Variants in SLCO2A1 observed in about 807,000 individuals in gnomAD.
SLCO2A1 encodes matrin F/G 1.
Under a neutral mutation model 71.7 loss-of-function variants are expected in SLCO2A1, and 60 were observed. The observed-to-expected ratio is 0.84, with a 90% confidence interval of 0.68 to 1.04. The LOEUF is 1.04. Among genes scored for constraint, SLCO2A1 ranks in the 50% least tolerant of loss-of-function variants. SLCO2A1 has a pLI of 0.00. For synonymous variants in SLCO2A1, 308 were observed against 326.7 expected, an observed-to-expected ratio of 0.94 and a Z score of 0.62; for missense variants, 745 against 813.4, an observed-to-expected ratio of 0.92 and a Z score of 1.02.
intron 6 of SLCO2A1, among the ~76,000 whole-genome samples, chr3:133,950,206 GCAC>G (rs1933705224): frequency 6.6e-6 from 1 of 152,120 alleles, no homozygotes; most frequent in Admixed American, 6.6e-5. Context: ...CCTGACCCCA[GCAC>G]CTGCATGATG....
At chr3:134,003,822 A>T (rs1398941054) in intron 1 of SLCO2A1, among the ~76,000 whole-genome samples, 1 of 152,100 alleles carries the variant, frequency 6.6e-6, no homozygotes, top group East Asian at 1.9e-4. Context: ...ATACATAATC[A>T]GTTGACACTG....
chr3:133,985,462 G>A (rs1348505950), intron 1 of SLCO2A1, among the ~76,000 whole-genome samples: 2 of 152,134 alleles, frequency 1.3e-5, no homozygotes, highest in African/African-American at 2.4e-5. Flanking sequence ...TAGAATTTGA[G>A]TCTTGCAATT....
At chr3:133,935,924 T>A (rs1933258734) in intron 12 of SLCO2A1, 27 bp from the exon 13 acceptor site, 1 of 1,554,662 alleles carries the variant, frequency 6.4e-7, no homozygotes, top group Non-Finnish European at 8.7e-7. Flanking sequence ...AAAGCCCTGG[T>A]CAGGTGGAAC....
chr3:133,964,985 G>A (rs1013732684), intron 3 of SLCO2A1, among the ~76,000 whole-genome samples: 1 of 152,222 alleles, frequency 6.6e-6, no homozygotes, highest in African/African-American at 2.4e-5. Context: ...ACCTGAGGGA[G>A]CAGGATGCAG....
chr3:134,020,318 G>A (rs1051496245), intron 1 of SLCO2A1, among the ~76,000 whole-genome samples: 12 of 152,194 alleles, frequency 7.9e-5, no homozygotes, highest in South Asian at 4.1e-4. Flanking sequence ...AGTTTTGTCT[G>A]CGGCTCATTC....
chr3:133,936,063 C>A (rs1576423848), intron 12 of SLCO2A1, among the ~76,000 whole-genome samples, 166 bp from the exon 13 acceptor site: 1 of 152,308 alleles, frequency 6.6e-6, no homozygotes, highest in East Asian at 1.9e-4. Context: ...TTCAGTGAAG[C>A]CTGAATTTCT....
intron 1 of SLCO2A1, among the ~76,000 whole-genome samples, chr3:134,002,669 G>A (rs1328719034): frequency 1.3e-5 from 2 of 152,140 alleles, no homozygotes; most frequent in South Asian, 2.1e-4. Context: ...CCCACCTCCA[G>A]TTTTTCATTC....
At chr3:133,958,825 G>A (rs920378898) in intron 3 of SLCO2A1, among the ~76,000 whole-genome samples, 4 of 152,170 alleles carry the variant, frequency 2.6e-5, no homozygotes, top group African/African-American at 9.7e-5. Context: ...ACTGTGTATG[G>A]AGAAATAAAC....
At position 134,029,508 on chromosome 3, in the gene SLCO2A1, GCTCA is replaced by G. The variant is rs1234776887; in HGVS notation, c.96+195_96+198del. 2.1e-3 allele frequency among the ~76,000 whole-genome samples: 311 copies of G among 148,370 alleles called. 2 individuals are homozygous for G. Among genetic ancestry groups the G allele is most frequent in the Non-Finnish European group, 3.4e-3 (227 of 67,560 alleles). On this transcript the variant is annotated intron_variant, in intron 1 of 13. Coordinates refer to ENST00000310926, the MANE Select transcript of SLCO2A1 (RefSeq NM_005630.3). The stretch of plus-strand genomic sequence containing the variant: ...CACACACTCGCACGCACACACACAC[GCTCA>G]CACACACACACGCTCACACACACAC...
intron 2 of SLCO2A1, among the ~76,000 whole-genome samples, chr3:133,978,892 A>G (rs1934520061): frequency 6.6e-6 from 1 of 152,084 alleles, no homozygotes; most frequent in African/African-American, 2.4e-5. Context: ...TAACTTTGAT[A>G]TGCAGTCACT....
intron 1 of SLCO2A1, among the ~76,000 whole-genome samples, chr3:133,984,753 C>T (rs528319363): frequency 3.9e-5 from 6 of 152,314 alleles, no homozygotes; most frequent in Admixed American, 3.9e-4. Context: ...AGTTGGGTTG[C>T]AACCTACCCT....
At chr3:133,940,595 T>G (rs3923835) in intron 11 of SLCO2A1, among the ~76,000 whole-genome samples, 29,750 of 152,088 alleles carry the variant, frequency 0.2, 3,400 homozygotes, top group Admixed American at 0.26. Context: ...CATGGCCTCA[T>G]GTAGTTTTAT....
In SLCO2A1 at chr3:133,934,446, G is replaced by A. The variant is rs577331505; in HGVS notation, c.*267C>T. Reference sequence around the variant, plus strand: ...TCAATGGAGGACTCAACACTGAAGTGAGCCTGGGCATCTGGGGGCCTCTTC... The same window carrying A: ...TCAATGGAGGACTCAACACTGAAGTAAGCCTGGGCATCTGGGGGCCTCTTC... On this transcript the variant is annotated 3_prime_UTR_variant, in exon 14 of 14. Transcript: ENST00000310926. 1.8e-5 allele frequency: 6 copies of A among 338,624 alleles called. No individual in the cohort carries two copies. Among genetic ancestry groups the A allele is most frequent in the Admixed American group, 1.3e-4 (3 of 23,294 alleles). The allele number at this position is 338,624 out of a possible 1,614,324, so 21.0% of individuals were successfully genotyped here.
At chr3:133,968,762 T>G (rs946657878) in intron 3 of SLCO2A1, among the ~76,000 whole-genome samples, 1 of 152,230 alleles carries the variant, frequency 6.6e-6, no homozygotes, top group African/African-American at 2.4e-5. Context: ...TGGTCTCACG[T>G]TGGCCAGTTT....
chr3:133,997,103 C>A (rs1254189037), intron 1 of SLCO2A1, among the ~76,000 whole-genome samples: 3 of 152,102 alleles, frequency 2.0e-5, no homozygotes, highest in Non-Finnish European at 4.4e-5. Flanking sequence ...CCTGAAGGGC[C>A]GCATCTCCTG....
rs972603437 is a variant in SLCO2A1 at position 133,935,027 on chromosome 3, G to C, written c.1815-197C>G. Reference sequence around the variant, plus strand: ...CTGTAGGGAAGCAGGCAGGGAGTAGGCATGGGACTCTTAATCCAGGGCTCA... The same window carrying C: ...CTGTAGGGAAGCAGGCAGGGAGTAGCCATGGGACTCTTAATCCAGGGCTCA... On this transcript the variant is annotated intron_variant, in intron 13 of 13. Transcript: ENST00000310926. Among the ~76,000 whole-genome samples the C allele has an allele frequency of 2.6e-5, 4 of 152,268 alleles. No individual in the cohort carries two copies. The East Asian group carries it at 7.7e-4, about 29-fold the overall frequency.
intron 1 of SLCO2A1, among the ~76,000 whole-genome samples, chr3:134,018,535 A>C (rs1225087103): frequency 6.6e-6 from 1 of 152,044 alleles, no homozygotes; most frequent in Non-Finnish European, 1.5e-5. Flanking sequence ...CCTTCTTCCC[A>C]CTATTCTCCA....
chr3:134,021,068 T>C (rs1380910848), intron 1 of SLCO2A1, among the ~76,000 whole-genome samples: 11 of 152,244 alleles, frequency 7.2e-5, no homozygotes. Context: ...GATTGCTTGA[T>C]ACTTTGGTTT....
At chr3:133,985,478 A>G (rs1934692683) in intron 1 of SLCO2A1, among the ~76,000 whole-genome samples, 2 of 152,208 alleles carry the variant, frequency 1.3e-5, no homozygotes, top group South Asian at 4.1e-4. Context: ...CAATTTCTTC[A>G]CAAAAGGAAA....
Sources: gnomAD v4.1 joint callset for allele counts (sites outside exome capture counted in the v4.1 genomes callset) on GRCh38, gnomAD v4.1.1 for gene constraint, MANE v1.5 for transcripts, NCBI Gene and HGNC (gene_info 2026-07-23, HGNC 2026-07-21) for gene names.